Variants in SP100 observed in about 807,000 individuals in gnomAD.
The protein encoded by SP100 is nuclear autoantigen Sp-100.
A neutral mutation model predicts 130.0 loss-of-function variants in SP100; 84 were observed. That is an observed-to-expected ratio of 0.65 (90% confidence interval 0.54 to 0.77). The LOEUF is 0.77. Among genes scored for constraint, SP100 ranks in the 30% least tolerant of loss-of-function variants. SP100 has a pLI of 0.00. For synonymous variants in SP100, 331 were observed against 351.7 expected (o/e 0.94, Z 0.66); for missense variants, 978 against 1,052.2 (o/e 0.93, Z 0.97).
At chr2:230,469,005 G>T in intron 13 of SP100, 38 bp from the exon 14 acceptor site, 1 of 1,275,866 alleles carries the variant, frequency 7.8e-7, no homozygotes, top group Non-Finnish European at 1.1e-6. Context: ...AGATCTTTTA[G>T]TTAGATATTA....
intron 2 of SP100, among the ~76,000 whole-genome samples, chr2:230,422,041 TTA>T (rs751275500): frequency 6.6e-6 from 1 of 152,158 alleles, no homozygotes; most frequent in Non-Finnish European, 1.5e-5. Context: ...CTTGAAAATC[TTA>T]TATGTCTTCT....
Position 230,494,402 on chromosome 2 carries a change from T to C in SP100, c.1601-14T>C, listed in dbSNP as rs760586913. The stretch of plus-strand genomic sequence containing the variant: ...TAGTTCTAAAGGATTATTTTCTTTC[T>C]TTTCTGTTTGCAGGAAAAAAGAGAA... On this transcript the variant is annotated splice_polypyrimidine_tract_variant and intron_variant, in intron 17 of 28. Coordinates refer to ENST00000340126, the MANE Select transcript of SP100 (RefSeq NM_001080391.2). 27 of 1,568,138 alleles carry C rather than the reference T, an allele frequency of 1.7e-5. No homozygotes were observed. The highest frequency in any genetic ancestry group is 1.8e-5 in the Non-Finnish European group (21 of 1,138,610).
chr2:230,437,577 T>A (rs2063332162), intron 2 of SP100, among the ~76,000 whole-genome samples: 1 of 152,036 alleles, frequency 6.6e-6, no homozygotes, highest in South Asian at 2.1e-4. Context: ...GTTTTGTTGT[T>A]GTTGTTGTTT....
chr2:230,454,782 T>C (rs2064184306), intron 8 of SP100, among the ~76,000 whole-genome samples: 2 of 152,208 alleles, frequency 1.3e-5, no homozygotes, highest in South Asian at 4.1e-4. Context: ...ATATTCTATA[T>C]ATGCCTTTTA....
intron 24 of SP100, among the ~76,000 whole-genome samples, chr2:230,512,276 C>CTTTTT (rs34753799): frequency 1.4e-4 from 11 of 76,108 alleles, no homozygotes; most frequent in Non-Finnish European, 1.9e-4. Flanking sequence ...ATTGAAATGC[C>CTTTTT]TTTTTTTTTT....
intron 8 of SP100, among the ~76,000 whole-genome samples, chr2:230,460,479 C>G (rs1175995515): frequency 6.6e-6 from 1 of 151,442 alleles, no homozygotes; most frequent in Admixed American, 6.6e-5. Flanking sequence ...ACACAACAAG[C>G]AAAATTAACC....
chr2:230,428,954 C>G (rs1318437798), intron 2 of SP100, among the ~76,000 whole-genome samples: 1 of 152,176 alleles, frequency 6.6e-6, no homozygotes, highest in East Asian at 1.9e-4. Context: ...TGTTTTTTAA[C>G]TTTTATACCA....
intron 24 of SP100, among the ~76,000 whole-genome samples, chr2:230,531,315 A>G (rs908152731): frequency 6.6e-6 from 1 of 152,176 alleles, no homozygotes; most frequent in African/African-American, 2.4e-5. Context: ...AAACTATCAC[A>G]AGGACAGAAA....
intron 17 of SP100, among the ~76,000 whole-genome samples, 175 bp from the exon 18 acceptor site, chr2:230,494,241 G>A (rs1485488216): frequency 6.6e-6 from 1 of 152,040 alleles, no homozygotes; most frequent in Non-Finnish European, 1.5e-5. Context: ...AGGTTGCTTT[G>A]TGGTTATTGG....
intron 25 of SP100, 76 bp from the exon 26 acceptor site, chr2:230,540,800 G>A: frequency 6.5e-7 from 1 of 1,536,838 alleles, no homozygotes; most frequent in African/African-American, 1.4e-5. Flanking sequence ...TTCTTGAGCA[G>A]AGGACTTGAA....
intron 7 of SP100, 89 bp downstream of exon 7, chr2:230,449,799 A>T: frequency 7.4e-7 from 1 of 1,346,310 alleles, no homozygotes. Flanking sequence ...ATACAAGGAG[A>T]CACCTGTTTA....
At chr2:230,531,238 C>T (rs1691684510) in intron 24 of SP100, among the ~76,000 whole-genome samples, 1 of 152,126 alleles carries the variant, frequency 6.6e-6, no homozygotes, top group Non-Finnish European at 1.5e-5. Flanking sequence ...ACTATGCAGC[C>T]ATAAAAAAGG....
chr2:230,490,252 C>T (rs1267733114), intron 17 of SP100, among the ~76,000 whole-genome samples: 1 of 151,830 alleles, frequency 6.6e-6, no homozygotes, highest in Non-Finnish European at 1.5e-5. Context: ...ATGTAATGCC[C>T]TTCTTTGTCT....
chr2:230,506,060 A>G (rs1690071328), intron 21 of SP100, among the ~76,000 whole-genome samples: 1 of 152,230 alleles, frequency 6.6e-6, no homozygotes, highest in African/African-American at 2.4e-5. Flanking sequence ...GAAAAGGTAA[A>G]TGTTGGTAGT....
chr2:230,477,280 T>C (rs530891402), intron 17 of SP100, among the ~76,000 whole-genome samples: 4 of 152,176 alleles, frequency 2.6e-5, no homozygotes, highest in Admixed American at 6.5e-5. Context: ...TGTCCATTTG[T>C]TGTTTTTCTT....
chr2:230,480,606 T>G (rs911782847), intron 17 of SP100, among the ~76,000 whole-genome samples: 1 of 152,178 alleles, frequency 6.6e-6, no homozygotes, highest in Admixed American at 6.5e-5. Context: ...TCCTGCTGGC[T>G]TCACAGATGA....
intron 8 of SP100, among the ~76,000 whole-genome samples, chr2:230,452,276 C>T (rs1240135904): frequency 6.6e-6 from 1 of 151,810 alleles, no homozygotes; most frequent in Non-Finnish European, 1.5e-5. Flanking sequence ...CTCACAGATT[C>T]AAGTAATTAT....
At chr2:230,439,663 A>G (rs568690058) in intron 2 of SP100, among the ~76,000 whole-genome samples, 12 of 151,732 alleles carry the variant, frequency 7.9e-5, no homozygotes, top group Non-Finnish European at 1.8e-4. Flanking sequence ...CAGCTTGATC[A>G]TTGTTGGTGT....
chr2:230,418,342 C>T (rs2062675675), intron 2 of SP100, among the ~76,000 whole-genome samples: 1 of 152,128 alleles, frequency 6.6e-6, no homozygotes, highest in African/African-American at 2.4e-5. Flanking sequence ...TAATTGGTTT[C>T]TGTACGCCTG....
Sources: gnomAD v4.1 joint callset for allele counts (sites outside exome capture counted in the v4.1 genomes callset) on GRCh38, gnomAD v4.1.1 for gene constraint, MANE v1.5 for transcripts, NCBI Gene and HGNC (gene_info 2026-07-23, HGNC 2026-07-21) for gene names.